WHRN: variants seen among roughly 807,000 people sequenced by gnomAD.
The protein encoded by WHRN is CASK-interacting protein CIP98.
A neutral mutation model predicts 68.3 loss-of-function variants in WHRN; 41 were observed. The ratio of observed to expected loss-of-function variants is 0.60; its 90% CI spans 0.47 to 0.78. The LOEUF (loss-of-function observed/expected upper bound fraction) is 0.78, where lower values mean the gene tolerates loss of function less well. Ranked by LOEUF, WHRN falls within the 30% of genes least tolerant of loss-of-function variation. The pLI, the probability that WHRN is intolerant of heterozygous loss-of-function variation, is 0.00. For missense variants in WHRN, 1,243 were observed against 1,244.7 expected (o/e 1.00, Z 0.02); for synonymous variants, 560 against 561.3 (o/e 1.00, Z 0.03).
At position 114,458,729 on chromosome 9, in the gene WHRN, C is replaced by T. The variant is rs56938437; in HGVS notation, c.963+7538G>A. Among the ~76,000 whole-genome samples, 35 of 151,706 alleles carry T rather than the reference C, an allele frequency of 2.3e-4. No homozygotes were observed. In the East Asian group the frequency reaches 6.3e-3, roughly 27 times the overall value. ...GCATCAGCACCTAGATCTGTGTCTG[C>T]ATCATGCTCTGCATGGAAATTATGT... On this transcript the variant is annotated intron_variant, in intron 3 of 11. Transcript: ENST00000362057.
chr9:114,428,984 G>A (rs568567474), intron 3 of WHRN, among the ~76,000 whole-genome samples: 113 of 151,522 alleles, frequency 7.5e-4, no homozygotes, highest in Admixed American at 3.4e-3. Context: ...AGGCTAGAGT[G>A]TAGTGGCGCA....
chr9:114,428,375 T>C (rs879792361), intron 3 of WHRN, among the ~76,000 whole-genome samples: 2 of 152,122 alleles, frequency 1.3e-5, no homozygotes, highest in Admixed American at 6.5e-5. Context: ...TTCCATCTAT[T>C]CCAACTCCAG....
chr9:114,462,177 G>A (rs1440945452), intron 3 of WHRN, among the ~76,000 whole-genome samples: 1 of 152,136 alleles, frequency 6.6e-6, no homozygotes, highest in South Asian at 2.1e-4. Flanking sequence ...CTGGCTGCCA[G>A]GAAGCTCAGA....
intron 8 of WHRN, among the ~76,000 whole-genome samples, 161 bp from the exon 9 acceptor site, chr9:114,407,053 ACTT>A (rs1005420499): frequency 3.3e-5 from 5 of 151,876 alleles, no homozygotes; most frequent in Non-Finnish European, 7.4e-5. Flanking sequence ...TGAGTGGAAA[ACTT>A]CTCCCCTGCA....
intron 3 of WHRN, among the ~76,000 whole-genome samples, chr9:114,439,196 T>C (rs1838157025): frequency 6.6e-6 from 1 of 152,194 alleles, no homozygotes; most frequent in Middle Eastern, 3.2e-3. Flanking sequence ...CCTTTTTGTA[T>C]AGTTTTGATG....
At chr9:114,493,852 C>CTA (rs1843216281) in intron 1 of WHRN, among the ~76,000 whole-genome samples, 1 of 152,246 alleles carries the variant, frequency 6.6e-6, no homozygotes, top group African/African-American at 2.4e-5. Context: ...AGCTACAAAG[C>CTA]CATTTCCACA....
chr9:114,489,805 C>G (rs549835088), intron 1 of WHRN, among the ~76,000 whole-genome samples: 1 of 152,252 alleles, frequency 6.6e-6, no homozygotes, highest in South Asian at 2.1e-4. Context: ...GATGGAGATC[C>G]TTTTTACAGA....
At chr9:114,475,143 C>T (rs1461428486) in intron 2 of WHRN, among the ~76,000 whole-genome samples, 1 of 152,202 alleles carries the variant, frequency 6.6e-6, no homozygotes. Context: ...AGCAAGCCCA[C>T]TTTGGGGTAT....
Position 114,485,807 on chromosome 9 carries a change from G to A in WHRN, c.619-7036C>T, listed in dbSNP as rs190400133. On this transcript the variant is annotated intron_variant, in intron 1 of 11. Transcript: ENST00000362057. ...ATTACTTGAGGCCAGGAGTTCAAGA[G>A]TAGCCTGGACAACATGGTGAGACGC... Among the ~76,000 whole-genome samples, 73 of 152,148 alleles carry A rather than the reference G, an allele frequency of 4.8e-4. 1 individual carries two copies. In the East Asian group the frequency reaches 0.013, roughly 26 times the overall value.
At chr9:114,408,723 C>T (rs1007280678) in intron 7 of WHRN, among the ~76,000 whole-genome samples, 2 of 152,228 alleles carry the variant, frequency 1.3e-5, no homozygotes, top group Admixed American at 6.5e-5. Context: ...TGATTAGCTT[C>T]GCGTGTCAAC....
rs752135647 is a variant in WHRN at position 114,504,571 on chromosome 9, G to A, written c.231C>T (p.Thr77=). The change falls in exon 1 of 12, where the codon ACC becomes ACT. Residue 77 remains threonine, a synonymous_variant. Coordinates refer to ENST00000362057, the MANE Select transcript of WHRN (RefSeq NM_015404.4). The stretch of plus-strand genomic sequence containing the variant: ...CCGGACTGTCCAGCAGCACGCGCAG[G>A]GTGCGCACCAGGTCGAAGACGTTGC... The part of the protein sequence containing the change: ...ARRNVFDLVR[T]LRVLLDSPVK... 3.1e-6 allele frequency: 5 copies of A among 1,611,530 alleles called. No individual in the cohort carries two copies. The highest frequency in any genetic ancestry group is 2.2e-5 in the East Asian group (1 of 44,874).
chr9:114,469,012 CCT>C (rs1223899319), intron 2 of WHRN, among the ~76,000 whole-genome samples: 20 of 152,220 alleles, frequency 1.3e-4, no homozygotes, highest in Non-Finnish European at 2.5e-4. Flanking sequence ...AGTTGCTTCA[CCT>C]CTCTGTGCCT....
At chr9:114,436,413 A>G (rs1837854780) in intron 3 of WHRN, among the ~76,000 whole-genome samples, 1 of 152,218 alleles carries the variant, frequency 6.6e-6, no homozygotes, top group Admixed American at 6.5e-5. Flanking sequence ...CCCCTTGTAC[A>G]CTAATACGAA....
At position 114,504,790 on chromosome 9, in the gene WHRN, C is replaced by A. The variant is rs2133485484; in HGVS notation, c.12G>T (p.Pro4=). The stretch of plus-strand genomic sequence containing the variant: ...ACGAGCTCACCGACAGGCCGTCCAG[C>A]GGCGCGTTCATCTCCACGCCGAGGC... MNA[P]LDGLSVSSSS... The change falls in exon 1 of 12, where the codon CCG becomes CCT. Residue 4 remains proline (P), a synonymous_variant. Coordinates refer to ENST00000362057, the MANE Select transcript of WHRN (RefSeq NM_015404.4). 1.4e-6 allele frequency: 2 copies of A among 1,454,654 alleles called. No homozygotes were observed. The highest frequency in any genetic ancestry group is 9.0e-7 in the Non-Finnish European group (1 of 1,116,930). 90.1% of individuals were successfully genotyped at this position (1,454,654 alleles called of 1,614,324 possible). A position where few individuals can be genotyped will look rare whatever the true frequency, so the allele number is the denominator to read the frequency against.
In WHRN at chr9:114,503,162, C is replaced by T. The variant is rs554820416; in HGVS notation, c.618+1022G>A. On this transcript the variant is annotated intron_variant, in intron 1 of 11. Transcript: ENST00000362057. Reference sequence around the variant, plus strand: ...AGGAAGTAGTCGTGGGCCTCTGCTGCCTAGGAGTTTCCCAGCAGCCAGCAG... The same window carrying T: ...AGGAAGTAGTCGTGGGCCTCTGCTGTCTAGGAGTTTCCCAGCAGCCAGCAG... 6.3e-4 allele frequency: 619 copies of T among 985,504 alleles called. 1 individual carries two copies. Among genetic ancestry groups the T allele is most frequent in the Admixed American group, 3.2e-3 (52 of 16,282 alleles). The allele number at this position is 985,504 out of a possible 1,614,324, so 61.0% of individuals were successfully genotyped here.
At position 114,504,699 on chromosome 9, in the gene WHRN, G is replaced by A. The variant is rs777875997; in HGVS notation, c.103C>T (p.Leu35=). The A allele has an allele frequency of 1.3e-6, 2 of 1,576,166 alleles. No individual in the cohort carries two copies. Among genetic ancestry groups the A allele is most frequent in the East Asian group, 4.6e-5 (2 of 43,424 alleles). ...GGGGGAGLRL[L]SANVRQLHQA... is the part of the protein sequence containing the mutation. ...TGCAGCTGGCGCACGTTGGCAGACA[G>A]TAACCGCAGCCCCGCGCCCCCGCCG... Residue 35 remains leucine, a synonymous_variant, in exon 1 of 12, where the codon CTG becomes TTG. Coordinates refer to ENST00000362057, the MANE Select transcript of WHRN (RefSeq NM_015404.4).
chr9:114,426,141 G>A, intron 4 of WHRN, 70 bp downstream of exon 4: 1 of 1,600,952 alleles, frequency 6.2e-7, no homozygotes, highest in Non-Finnish European at 8.5e-7. Context: ...GGAGGGATGG[G>A]AGGCAGCTAT....
At position 114,505,000 on chromosome 9, in the gene WHRN, G is replaced by T. The variant is rs1383620287; in HGVS notation, c.-199C>A. The stretch of plus-strand genomic sequence containing the variant: ...GCTAGAGTCCCGGAGGCGCGAAGAC[G>T]GCGGGGGTCGCGAACCTGGAATCCG... On this transcript the variant is annotated 5_prime_UTR_variant, in exon 1 of 12. Transcript: ENST00000362057. 1.5e-5 allele frequency: 11 copies of T among 743,712 alleles called. No individual in the cohort carries two copies. Among genetic ancestry groups the T allele is most frequent in the Non-Finnish European group, 2.1e-5 (11 of 533,236 alleles). The allele number at this position is 743,712 out of a possible 1,614,324, so 46.1% of individuals were successfully genotyped here.
chr9:114,409,142 C>T (rs764183296), intron 7 of WHRN, among the ~76,000 whole-genome samples: 1 of 152,216 alleles, frequency 6.6e-6, no homozygotes, highest in Non-Finnish European at 1.5e-5. Context: ...TCTGGAGAAC[C>T]CTGCTGGCTA....
Sources: allele counts gnomAD v4.1 joint callset (sites outside exome capture counted in the v4.1 genomes callset), GRCh38; gene constraint gnomAD v4.1.1; transcripts MANE v1.5; gene names NCBI Gene and HGNC (gene_info 2026-07-23, HGNC 2026-07-21).